The following BEND6 variants were observed in gnomAD, a reference collection of about 807,000 sequenced individuals.
The protein encoded by BEND6 is BEN domain containing 6, also known as BEN domain-containing protein 6.
In BEND6, 24 loss-of-function variants were observed where a neutral mutation model predicts 31.8. That is an observed-to-expected ratio of 0.75 (90% CI 0.55 to 1.06). The LOEUF is 1.06. Ranked by LOEUF, BEND6 falls within the 50% of genes least tolerant of loss-of-function variation. The pLI, the probability that BEND6 is intolerant of heterozygous loss-of-function variation, is 0.00. For missense variants in BEND6, 294 were observed against 327.4 expected, an observed-to-expected ratio of 0.90 and a Z score of 0.79; for synonymous variants, 109 against 114.6, an observed-to-expected ratio of 0.95 and a Z score of 0.31.
In BEND6 at chr6:57,026,438, A is replaced by G. The variant is rs1210978028; in HGVS notation, c.*366A>G. 1 of 152,238 alleles carries G rather than the reference A, an allele frequency of 6.6e-6. No homozygotes were observed. Among genetic ancestry groups the G allele is most frequent in the Non-Finnish European group, 1.5e-5 (1 of 68,030 alleles). 9.4% of individuals were successfully genotyped at this position (152,238 alleles called of 1,614,324 possible). A position where few individuals can be genotyped will look rare whatever the true frequency, so the allele number is the denominator to read the frequency against. Reference sequence around the variant, plus strand: ...ATCATAGCAGCCAAAACTTCAGCCCATAGGTTAGTCATTGTCCTAACCAAT... The same window carrying G: ...ATCATAGCAGCCAAAACTTCAGCCCGTAGGTTAGTCATTGTCCTAACCAAT... On this transcript the variant is annotated 3_prime_UTR_variant, in exon 7 of 7. Transcript: ENST00000370746.
At chr6:56,965,618 C>T (rs2127840360) in intron 1 of BEND6, among the ~76,000 whole-genome samples, 1 of 150,308 alleles carries the variant, frequency 6.7e-6, no homozygotes, top group South Asian at 2.1e-4. Flanking sequence ...GCCTTGATAG[C>T]GCCGCTGCAC....
At chr6:56,987,437 G>A (rs17685356) in intron 2 of BEND6, among the ~76,000 whole-genome samples, 32,482 of 152,096 alleles carry the variant, frequency 0.21, 3,627 homozygotes, top group Middle Eastern at 0.23. Flanking sequence ...TTTCCAATCT[G>A]TGGCCCGGAG....
chr6:56,990,403 C>T (rs1297972584), intron 2 of BEND6, among the ~76,000 whole-genome samples: 3 of 152,004 alleles, frequency 2.0e-5, no homozygotes, highest in South Asian at 2.1e-4. Flanking sequence ...TGCACCACCA[C>T]GACTGGATAA....
intron 1 of BEND6, among the ~76,000 whole-genome samples, chr6:56,978,108 AAAAAAC>A (rs1194608363): frequency 6.8e-6 from 1 of 146,712 alleles, no homozygotes; most frequent in Non-Finnish European, 1.5e-5. Context: ...CTACAAAAAC[AAAAAAC>A]AAAAAAAAAA....
chr6:57,018,079 C>G, intron 5 of BEND6, among the ~76,000 whole-genome samples: 1 of 135,502 alleles, frequency 7.4e-6, no homozygotes, highest in Non-Finnish European at 1.6e-5. Flanking sequence ...AGAAAAAGAT[C>G]AGTCAGAGTT....
At chr6:57,018,041 G>A (rs1827624572) in intron 5 of BEND6, among the ~76,000 whole-genome samples, 1 of 152,126 alleles carries the variant, frequency 6.6e-6, no homozygotes, top group Non-Finnish European at 1.5e-5. Context: ...TAATCCCAAT[G>A]GTTTGGGAGG....
chr6:56,992,423 A>G lies in BEND6; in HGVS notation c.166A>G (p.Ser56Gly), dbSNP rs780343975. The G allele has an allele frequency of 1.1e-5, 18 of 1,613,776 alleles. No individual in the cohort carries two copies. The highest frequency in any genetic ancestry group is 4.2e-6 in the Non-Finnish European group (5 of 1,179,988). The stretch of plus-strand genomic sequence containing the variant: ...TGCCTTTCTGCCTGGTGAAAGCTCC[A>G]GTGAGGATGAAGAGCCTTTAGCAGA... ...GNAFLPGESS[S>G]EDEEPLAELS... is the part of the protein sequence containing the mutation. Residue 56 changes from serine (S) to glycine (G), a missense_variant, in exon 3 of 7, where the codon AGT becomes GGT. Physicochemically the swap from Ser to Gly is moderately conservative, Grantham distance 56 (BLOSUM62 0). Coordinates refer to ENST00000370746, the MANE Select transcript of BEND6 (RefSeq NM_152731.3).
intron 2 of BEND6, among the ~76,000 whole-genome samples, chr6:56,987,063 C>A (rs1337519982): frequency 6.6e-6 from 1 of 151,572 alleles, no homozygotes; most frequent in African/African-American, 2.4e-5. Flanking sequence ...TCAACCTCCA[C>A]CTCCTGGGTT....
intron 1 of BEND6, among the ~76,000 whole-genome samples, chr6:56,968,066 A>G (rs1288156537): frequency 6.6e-6 from 1 of 152,200 alleles, no homozygotes; most frequent in Non-Finnish European, 1.5e-5. Flanking sequence ...GGAGAGATCC[A>G]AGGATGTCAT....
At chr6:56,965,084 A>T (rs1825421455) in intron 1 of BEND6, among the ~76,000 whole-genome samples, 1 of 152,222 alleles carries the variant, frequency 6.6e-6, no homozygotes, top group African/African-American at 2.4e-5. Flanking sequence ...GAGTTTATTG[A>T]TAGCACTTTC....
intron 4 of BEND6, 96 bp from the exon 5 acceptor site, chr6:57,017,111 T>C: frequency 1.6e-6 from 1 of 625,598 alleles, no homozygotes; most frequent in South Asian, 6.4e-5. Flanking sequence ...TAAAAAATGT[T>C]GACATTGTTT....
At chr6:56,958,387 G>C (rs1483864708) in intron 1 of BEND6, among the ~76,000 whole-genome samples, 1 of 152,168 alleles carries the variant, frequency 6.6e-6, no homozygotes, top group African/African-American at 2.4e-5. Context: ...ACATCAGAAA[G>C]AAGAAAAGTT....
At chr6:57,018,378 G>A (rs1310659221) in intron 5 of BEND6, 43 bp from the exon 6 acceptor site, 3 of 1,548,684 alleles carry the variant, frequency 1.9e-6, no homozygotes, top group Non-Finnish European at 1.7e-6. Flanking sequence ...AAGATGCAAA[G>A]CACTCATGAA....
At chr6:56,993,493 C>T (rs1826588098) in intron 3 of BEND6, among the ~76,000 whole-genome samples, 2 of 152,208 alleles carry the variant, frequency 1.3e-5, no homozygotes, top group South Asian at 4.2e-4. Context: ...TAGAGGGGTT[C>T]ACAATGCATT....
At position 56,955,749 on chromosome 6, in the gene BEND6, C is replaced by A. The variant is rs1824786505; in HGVS notation, c.-101+289C>A. On this transcript the variant is annotated intron_variant, in intron 1 of 6. Transcript: ENST00000370746. ...GTGCATTTGAAGGGCAAGGCGATTT[C>A]AGATTTAGGGACCTGGCAGATGAAG... Among the ~76,000 whole-genome samples the A allele has an allele frequency of 1.3e-5, 2 of 152,192 alleles. 1 individual carries two copies. The highest frequency in any genetic ancestry group is 2.9e-5 in the Non-Finnish European group (2 of 68,040).
intron 1 of BEND6, among the ~76,000 whole-genome samples, chr6:56,956,233 C>T (rs1824937598): frequency 1.3e-5 from 2 of 152,170 alleles, no homozygotes; most frequent in South Asian, 4.1e-4. Flanking sequence ...ACTGTATTAG[C>T]CTCTTTTTTG....
At chr6:57,017,476 G>C (rs912239141) in intron 5 of BEND6, 77 bp downstream of exon 5, 29 of 1,119,838 alleles carry the variant, frequency 2.6e-5, no homozygotes, top group Admixed American at 1.5e-4. Flanking sequence ...AGTCTTTCAT[G>C]GTCCTTTTAT....
At chr6:56,959,953 G>A (rs901479014) in intron 1 of BEND6, among the ~76,000 whole-genome samples, 9 of 152,140 alleles carry the variant, frequency 5.9e-5, no homozygotes, top group African/African-American at 2.2e-4. Flanking sequence ...TTCTTTTTGG[G>A]TGTGTGAGCA....
intron 4 of BEND6, among the ~76,000 whole-genome samples, chr6:57,015,919 G>A (rs545160166): frequency 7.9e-5 from 12 of 151,936 alleles, no homozygotes; most frequent in Non-Finnish European, 1.5e-4. Context: ...AGGAAGTCAA[G>A]ATCAATCTGA....
Sources: gnomAD v4.1 joint callset for allele counts (sites outside exome capture counted in the v4.1 genomes callset) on GRCh38, gnomAD v4.1.1 for gene constraint, MANE v1.5 for transcripts, NCBI Gene and HGNC (gene_info 2026-07-23, HGNC 2026-07-21) for gene names.